Variants in MMACHC observed in about 807,000 individuals in gnomAD.
MMACHC encodes the protein cyanocobalamin reductase / alkylcobalamin dealkylase.
A neutral mutation model predicts 17.6 loss-of-function variants in MMACHC; 14 were observed. That is an observed-to-expected ratio of 0.80 (90% CI 0.53 to 1.25). The LOEUF (loss-of-function observed/expected upper bound fraction) is 1.25, where lower values mean the gene tolerates loss of function less well. Among genes scored for constraint, MMACHC ranks in the 50% most tolerant of loss-of-function variants. The pLI is 0.00. For missense variants in MMACHC, 392 were observed against 364.5 expected, an observed-to-expected ratio of 1.08 and a Z score of -0.62; for synonymous variants, 151 against 142.1, an observed-to-expected ratio of 1.06 and a Z score of -0.45.
rs1417321919 is a variant in MMACHC, at chr1:45,508,856, G to C, written c.490G>C (p.Val164Leu). 1 of 1,614,076 alleles carries C rather than the reference G, an allele frequency of 6.2e-7. No homozygotes were observed. The highest frequency in any genetic ancestry group is 1.3e-5 in the African/African-American group (1 of 74,938). Residue 164 changes from valine (V) to leucine (L), a missense_variant, in exon 4 of 4, where the codon GTG (valine) becomes CTG (leucine). Val to Leu is a conservative substitution (Grantham distance 32, BLOSUM62 1). Coordinates refer to ENST00000401061, the MANE Select transcript of MMACHC (RefSeq NM_015506.3). ...FGGWFAIRGV[V>L]LLPGIEVPDL... ...GGGCTGGTTTGCCATCCGAGGGGTAGTGCTGCTGCCAGGGATAGAGGTGCC... is the reference window on the plus strand; with the variant it reads ...GGGCTGGTTTGCCATCCGAGGGGTACTGCTGCTGCCAGGGATAGAGGTGCC...
In MMACHC at chr1:45,511,108, TC is replaced by T. The variant is rs1163786989; in HGVS notation, c.*1894del. 5.3e-5 allele frequency: 23 copies of T among 430,526 alleles called. No individual in the cohort carries two copies. Among genetic ancestry groups the T allele is most frequent in the Admixed American group, 1.2e-4 (3 of 24,014 alleles). 26.7% of individuals were successfully genotyped at this position (430,526 alleles called of 1,614,324 possible). A position where few individuals can be genotyped will look rare whatever the true frequency, so the allele number is the denominator to read the frequency against. On this transcript the variant is annotated 3_prime_UTR_variant, in exon 4 of 4. Transcript: ENST00000401061. ...ATTAATGGGTTGCTCTACTAATACA[TC>T]ATACAAACCAGTAGCCTGCCCACAA...
At position 45,509,341 on chromosome 1, in the gene MMACHC, TAACAAGG is replaced by T; in HGVS notation, c.*127_*133del. 1 of 1,184,780 alleles carries T rather than the reference TAACAAGG, an allele frequency of 8.4e-7. No individual in the cohort carries two copies. Among genetic ancestry groups the T allele is most frequent in the Non-Finnish European group, 1.2e-6 (1 of 831,072 alleles). The allele number at this position is 1,184,780 out of a possible 1,614,324, so 73.4% of individuals were successfully genotyped here. A position where few individuals can be genotyped will look rare whatever the true frequency, so the allele number is the denominator to read the frequency against. On this transcript the variant is annotated 3_prime_UTR_variant, in exon 4 of 4. Coordinates refer to ENST00000401061, the MANE Select transcript of MMACHC (RefSeq NM_015506.3). Reference sequence around the variant, plus strand: ...ATATAGTAGAGATCTTCCATGAAGATAACAAGGCTCAAGGAAGTTAGGTTTGGCCAAG... The same window carrying T: ...ATATAGTAGAGATCTTCCATGAAGATCTCAAGGAAGTTAGGTTTGGCCAAG...
Position 45,512,808 on chromosome 1 carries a change from G to GTCA in MMACHC, c.*3596_*3598dup, listed in dbSNP as rs1643779831. 1.3e-5 allele frequency: 2 copies of GTCA among 152,252 alleles called. No homozygotes were observed. Among genetic ancestry groups the GTCA allele is most frequent in the Admixed American group, 6.5e-5 (1 of 15,274 alleles). The allele number at this position is 152,252 out of a possible 1,614,324, so 9.4% of individuals were successfully genotyped here. A position where few individuals can be genotyped will look rare whatever the true frequency, so the allele number is the denominator to read the frequency against. On this transcript the variant is annotated 3_prime_UTR_variant, in exon 4 of 4. Transcript: ENST00000401061. Reference sequence around the variant, plus strand: ...TCAGCAGGTGTCAGCTGAGCCATGTGTCATCTGTCCAGGCTAACTGCCCAC... The same window carrying GTCA: ...TCAGCAGGTGTCAGCTGAGCCATGTGTCATCATCTGTCCAGGCTAACTGCCCAC...
At chr1:45,500,865 CAAAAAA>C (rs11374269) in intron 1 of MMACHC, among the ~76,000 whole-genome samples, 15 of 86,366 alleles carry the variant, frequency 1.7e-4, no homozygotes, top group African/African-American at 2.2e-4. Flanking sequence ...AACTCCGTGT[CAAAAAA>C]AAAAAAAAAA....
rs1643783806 is a variant in MMACHC, at chr1:45,512,979, C to G, written c.*3764C>G. The G allele has an allele frequency of 6.6e-6, 1 of 152,160 alleles. No homozygotes were observed. Among genetic ancestry groups the G allele is most frequent in the Non-Finnish European group, 1.5e-5 (1 of 68,034 alleles). The allele number at this position is 152,160 out of a possible 1,614,324, so 9.4% of individuals were successfully genotyped here. ...CAAACATACACCACTAATCCAGACT[C>G]TAATAACTTCATTTCCTTTAAATTA... is the stretch of plus-strand genomic sequence containing the variant. On this transcript the variant is annotated 3_prime_UTR_variant, in exon 4 of 4. Transcript: ENST00000401061.
At position 45,508,803 on chromosome 1, in the gene MMACHC, C is replaced by G; in HGVS notation, c.437C>G (p.Ser146Ter). 6.2e-7 allele frequency: 1 copy of G among 1,613,894 alleles called. No homozygotes were observed. Among genetic ancestry groups the G allele is most frequent in the Non-Finnish European group, 8.5e-7 (1 of 1,179,872 alleles). Reference protein sequence around the residue: ...EADPWGNQRISGVCIHPRFGG... With the variant: ...EADPWGNQRI ...TCTTCACCCTCTCCCCAGCGCATATCAGGTGTGTGCATACACCCCCGATTT... is the reference window on the plus strand; with the variant it reads ...TCTTCACCCTCTCCCCAGCGCATATGAGGTGTGTGCATACACCCCCGATTT... The change falls in exon 4 of 4, where the codon TCA (serine) becomes TGA (stop). Residue 146 changes from serine (S) to a stop codon, truncating the protein, a stop_gained. Transcript: ENST00000401061. LOFTEE classifies it low-confidence loss of function (END_TRUNC).
rs556266272 is a variant in MMACHC, at chr1:45,502,735, G to A, written c.81+2322G>A. 1.9e-3 allele frequency among the ~76,000 whole-genome samples: 275 copies of A among 145,008 alleles called. 3 individuals are homozygous for A. The highest frequency in any genetic ancestry group is 5.4e-3 in the African/African-American group (210 of 39,084). On this transcript the variant is annotated intron_variant, in intron 1 of 3. Coordinates refer to ENST00000401061, the MANE Select transcript of MMACHC (RefSeq NM_015506.3). ...TTTTTTTTTTTTGAGATGGAGTTTC[G>A]CTCTTGTTGCCCAGGCTGGAGTGCA...
chr1:45,508,403 G>C (rs1419844645), intron 3 of MMACHC, 39 bp downstream of exon 3: 1 of 1,610,220 alleles, frequency 6.2e-7, no homozygotes, highest in Non-Finnish European at 8.5e-7. Flanking sequence ...AGATAGACTG[G>C]TAAAGGCCTC....
chr1:45,508,674 C>A, intron 3 of MMACHC, 122 bp from the exon 4 acceptor site: 1 of 1,197,988 alleles, frequency 8.3e-7, no homozygotes, highest in Non-Finnish European at 1.2e-6. Flanking sequence ...AAGAAAAGGA[C>A]AGAGGTTTAT....
rs775262447 is a variant in MMACHC, at chr1:45,509,063, C to G, written c.697C>G (p.Leu233Val). The change falls in exon 4 of 4, where the codon CTA becomes GTA. Residue 233 changes from leucine to valine, a missense_variant. Coordinates refer to ENST00000401061, the MANE Select transcript of MMACHC (RefSeq NM_015506.3). ...CACTCCACCTGCCCAACGATTGGCCCTATTGGGCTTGGCTCAGCCCTCAGA... is the reference window on the plus strand; with the variant it reads ...CACTCCACCTGCCCAACGATTGGCCGTATTGGGCTTGGCTCAGCCCTCAGA... ...FSTPPAQRLALLGLAQPSEKP... is the reference protein window; with the variant it reads ...FSTPPAQRLAVLGLAQPSEKP... 6.2e-7 allele frequency: 1 copy of G among 1,613,820 alleles called. No homozygotes were observed. The highest frequency in any genetic ancestry group is 1.7e-5 in the Admixed American group (1 of 60,010).
At chr1:45,508,736 G>A (rs1403982675) in intron 3 of MMACHC, 60 bp from the exon 4 acceptor site, 1 of 1,561,312 alleles carries the variant, frequency 6.4e-7, no homozygotes, top group Non-Finnish European at 8.7e-7. Context: ...TGCAATGATG[G>A]CAGTTGACTT....
At position 45,511,445 on chromosome 1, in the gene MMACHC, C is replaced by A; in HGVS notation, c.*2230C>A. The A allele has an allele frequency of 6.3e-7, 1 of 1,577,848 alleles. No individual in the cohort carries two copies. The highest frequency in any genetic ancestry group is 8.7e-7 in the Non-Finnish European group (1 of 1,150,156). On this transcript the variant is annotated 3_prime_UTR_variant, in exon 4 of 4. Coordinates refer to ENST00000401061, the MANE Select transcript of MMACHC (RefSeq NM_015506.3). ...AGAGAAAGGCACCACTAATTAATAACCTTCTCAATGGTATGCACCACCATT... is the reference window on the plus strand; with the variant it reads ...AGAGAAAGGCACCACTAATTAATAAACTTCTCAATGGTATGCACCACCATT...
Position 45,500,430 on chromosome 1 carries a change from T to C in MMACHC, c.81+17T>C, listed in dbSNP as rs770310235. 5 of 1,613,544 alleles carry C rather than the reference T, an allele frequency of 3.1e-6. No homozygotes were observed. The highest frequency in any genetic ancestry group is 2.2e-5 in the South Asian group (2 of 91,070). ...CCCTTCCAGGTTAGTTTATCCCTCCTGCTGTTCTAGGGCGAAATATATGAT... is the reference window on the plus strand; with the variant it reads ...CCCTTCCAGGTTAGTTTATCCCTCCCGCTGTTCTAGGGCGAAATATATGAT... On this transcript the variant is annotated intron_variant, in intron 1 of 3. Transcript: ENST00000401061.
intron 1 of MMACHC, among the ~76,000 whole-genome samples, chr1:45,503,218 G>A (rs1404992106): frequency 6.6e-6 from 1 of 151,926 alleles, no homozygotes; most frequent in Non-Finnish European, 1.5e-5. Context: ...GGCTAACATG[G>A]TGAAATCCCG....
Position 45,509,260 on chromosome 1 carries a change from C to T in MMACHC, c.*45C>T. The T allele has an allele frequency of 6.2e-7, 1 of 1,610,642 alleles. No individual in the cohort carries two copies. Among genetic ancestry groups the T allele is most frequent in the Non-Finnish European group, 8.5e-7 (1 of 1,177,330 alleles). Reference sequence around the variant, plus strand: ...TGATTTATGGTGGTACTTGCTAGGACTTAATTGGCTTTGGCAAAGCAAAAG... The same window carrying T: ...TGATTTATGGTGGTACTTGCTAGGATTTAATTGGCTTTGGCAAAGCAAAAG... On this transcript the variant is annotated 3_prime_UTR_variant, in exon 4 of 4. Coordinates refer to ENST00000401061, the MANE Select transcript of MMACHC (RefSeq NM_015506.3).
chr1:45,505,721 G>T (rs1356644732), intron 1 of MMACHC, among the ~76,000 whole-genome samples: 1 of 152,034 alleles, frequency 6.6e-6, no homozygotes, highest in Non-Finnish European at 1.5e-5. Context: ...GGCCAACATG[G>T]TGAAACCTCA....
Position 45,511,317 on chromosome 1 carries a change from A to C in MMACHC, c.*2102A>C. 2 of 1,597,862 alleles carry C rather than the reference A, an allele frequency of 1.3e-6. No homozygotes were observed. The highest frequency in any genetic ancestry group is 1.7e-6 in the Non-Finnish European group (2 of 1,171,888). ...CTGCCCACCGCAGCCTGGCACTAAA[A>C]CAGCCCAGCGCTCACTTCTGCTTGG... is the stretch of plus-strand genomic sequence containing the variant. On this transcript the variant is annotated 3_prime_UTR_variant, in exon 4 of 4. Coordinates refer to ENST00000401061, the MANE Select transcript of MMACHC (RefSeq NM_015506.3).
Position 45,508,989 on chromosome 1 carries a change from CTG to C in MMACHC, c.626_627del (p.Val209AspfsTer35), listed in dbSNP as rs1356587420. On this transcript the variant is annotated frameshift_variant, in exon 4 of 4. Transcript: ENST00000401061. LOFTEE classifies it low-confidence loss of function (END_TRUNC). ...TGGCGTGATTGGACTTACCGGGATG[CTG>C]TGACACCCCAGGAGCGCTACTCAGA... is the stretch of plus-strand genomic sequence containing the variant. 1.2e-6 allele frequency: 2 copies of C among 1,614,098 alleles called. No individual in the cohort carries two copies. The highest frequency in any genetic ancestry group is 1.7e-5 in the Admixed American group (1 of 60,002).
Position 45,508,308 on chromosome 1 carries a change from G to A in MMACHC, c.373G>A (p.Gly125Arg). Residue 125 changes from glycine (G) to arginine (R), a missense_variant, in exon 3 of 4, where the codon GGG becomes AGG. Transcript: ENST00000401061. ...GGCCCAGACAGCAGCCCATGTAGCT[G>A]GGGCTGCTTACTACTACCAACGACA... ...ILAQTAAHVA[G>R]AAYYYQRQDV... 3 of 1,614,166 alleles carry A rather than the reference G, an allele frequency of 1.9e-6. No individual in the cohort carries two copies. Among genetic ancestry groups the A allele is most frequent in the South Asian group, 1.1e-5 (1 of 91,074 alleles).
Sources: gnomAD v4.1 joint callset for allele counts (sites outside exome capture counted in the v4.1 genomes callset) on GRCh38, gnomAD v4.1.1 for gene constraint, MANE v1.5 for transcripts, NCBI Gene and HGNC (gene_info 2026-07-23, HGNC 2026-07-21) for gene names.